Variants in FRMD4A observed in about 807,000 individuals in gnomAD.
FRMD4A encodes FERM domain containing 4A.
A neutral mutation model predicts 129.1 loss-of-function variants in FRMD4A; 29 were observed. The ratio of observed to expected loss-of-function variants is 0.22; its 90% CI spans 0.17 to 0.31. The LOEUF is 0.31. Ranked by LOEUF, FRMD4A falls within the 10% of genes least tolerant of loss-of-function variation. The pLI is 1.00. For missense variants in FRMD4A, 1,272 were observed against 1,375.8 expected (o/e 0.92, Z 1.19); for synonymous variants, 634 against 571.6 (o/e 1.11, Z -1.56).
chr10:14,153,331 A>G (rs990618063), intron 2 of FRMD4A, among the ~76,000 whole-genome samples: 6 of 152,064 alleles, frequency 3.9e-5, no homozygotes, highest in African/African-American at 4.8e-5. Flanking sequence ...CTTCTGCATG[A>G]TTTTTCTGAT....
intron 16 of FRMD4A, among the ~76,000 whole-genome samples, chr10:13,670,807 T>C (rs2083451989): frequency 6.6e-6 from 1 of 152,248 alleles, no homozygotes; most frequent in African/African-American, 2.4e-5. Flanking sequence ...TTGACTTTCA[T>C]TATAAAACTT....
chr10:13,965,855 C>T (rs1365526787), intron 2 of FRMD4A, among the ~76,000 whole-genome samples: 4 of 152,158 alleles, frequency 2.6e-5, no homozygotes, highest in African/African-American at 9.7e-5. Context: ...GATCAAAGAC[C>T]AGGCAACCAA....
At chr10:13,902,171 T>C (rs1448522890) in intron 2 of FRMD4A, among the ~76,000 whole-genome samples, 1 of 152,030 alleles carries the variant, frequency 6.6e-6, no homozygotes, top group Admixed American at 6.6e-5. Context: ...CATGTACCAC[T>C]ATACCTGGCT....
chr10:13,948,432 A>G lies in FRMD4A; in HGVS notation c.46-89520T>C, dbSNP rs193248376. Reference sequence around the variant, plus strand: ...CTGCTGAAATCTTTGGCCCTAAAATAGGCAATCAAGAGCCACTAAAGGTAC... The same window carrying G: ...CTGCTGAAATCTTTGGCCCTAAAATGGGCAATCAAGAGCCACTAAAGGTAC... On this transcript the variant is annotated intron_variant, in intron 2 of 24. Transcript: ENST00000357447. Among the ~76,000 whole-genome samples the G allele has an allele frequency of 3.8e-3, 582 of 152,252 alleles. 2 individuals carry two copies. The highest frequency in any genetic ancestry group is 0.02 in the Middle Eastern group (6 of 294).
chr10:14,114,738 C>T (rs1012517003), intron 2 of FRMD4A, among the ~76,000 whole-genome samples: 1 of 152,120 alleles, frequency 6.6e-6, no homozygotes, highest in African/African-American at 2.4e-5. Context: ...TTGAGAGGTA[C>T]CAAACAGGGA....
At chr10:14,322,742 C>T (rs556820599) in intron 2 of FRMD4A, among the ~76,000 whole-genome samples, 16 of 152,296 alleles carry the variant, frequency 1.1e-4, no homozygotes, top group Middle Eastern at 6.8e-3. Context: ...CTTGGTAGAG[C>T]ATGTTTCCGG....
chr10:13,884,112 A>ACT (rs1554956233), intron 2 of FRMD4A, among the ~76,000 whole-genome samples: 2 of 129,776 alleles, frequency 1.5e-5, no homozygotes, highest in African/African-American at 6.5e-5. Flanking sequence ...AAACACACAC[A>ACT]CACACACACT....
At chr10:13,706,519 A>G (rs534720958) in intron 13 of FRMD4A, among the ~76,000 whole-genome samples, 1 of 152,246 alleles carries the variant, frequency 6.6e-6, no homozygotes, top group South Asian at 2.1e-4. Context: ...CCACAATACT[A>G]ACATCCTAAA....
chr10:13,986,000 C>CT (rs1377288660), intron 2 of FRMD4A, among the ~76,000 whole-genome samples: 1 of 152,184 alleles, frequency 6.6e-6, no homozygotes, highest in African/African-American at 2.4e-5. Flanking sequence ...CCACCCGTGG[C>CT]TTTGGTCATC....
chr10:14,292,675 C>T (rs903768561), intron 2 of FRMD4A, among the ~76,000 whole-genome samples: 12 of 152,054 alleles, frequency 7.9e-5, no homozygotes, highest in African/African-American at 2.9e-4. Flanking sequence ...TGGTGGGCAC[C>T]TGTAGTCCCA....
chr10:14,201,278 G>A (rs1249133078), intron 2 of FRMD4A, among the ~76,000 whole-genome samples: 3 of 152,162 alleles, frequency 2.0e-5, no homozygotes, highest in Non-Finnish European at 2.9e-5. Flanking sequence ...TTGATTCCCT[G>A]CTGCCCTTCT....
intron 3 of FRMD4A, among the ~76,000 whole-genome samples, chr10:13,840,836 C>A (rs977827780): frequency 7.8e-6 from 1 of 128,466 alleles, no homozygotes; most frequent in African/African-American, 3.0e-5. Flanking sequence ...GGCCCAGGTG[C>A]AATGGCTCAT....
intron 16 of FRMD4A, among the ~76,000 whole-genome samples, chr10:13,674,683 T>C (rs1284501646): frequency 6.6e-6 from 1 of 152,246 alleles, no homozygotes; most frequent in Non-Finnish European, 1.5e-5. Flanking sequence ...GCGGTTCTGC[T>C]CTTTCTCTGA....
chr10:13,689,549 C>CTTTTT lies in FRMD4A; in HGVS notation c.1117+4344_1117+4348dup, dbSNP rs34800095. On this transcript the variant is annotated intron_variant, in intron 15 of 24. Coordinates refer to ENST00000357447, the MANE Select transcript of FRMD4A (RefSeq NM_018027.5). ...CTCTAGGAACATAGATTAGAAGATT[C>CTTTTT]TTTTTTTTTTTTTTTTTTAAGAGAC... is the stretch of plus-strand genomic sequence containing the variant. Among the ~76,000 whole-genome samples the CTTTTT allele has an allele frequency of 4.7e-3, 608 of 128,618 alleles. 17 individuals are homozygous for CTTTTT. The highest frequency in any genetic ancestry group is 0.013 in the African/African-American group (427 of 32,794). The allele number at this position is 128,618 out of a possible 152,430, so 84.4% of individuals were successfully genotyped here.
intron 8 of FRMD4A, among the ~76,000 whole-genome samples, chr10:13,752,648 A>G (rs966436512): frequency 1.3e-5 from 2 of 152,198 alleles, no homozygotes; most frequent in African/African-American, 4.8e-5. Context: ...ACAGCCTGCA[A>G]TTCAGAAACA....
At chr10:14,034,468 G>A (rs1833403843) in intron 2 of FRMD4A, among the ~76,000 whole-genome samples, 1 of 152,308 alleles carries the variant, frequency 6.6e-6, no homozygotes, top group South Asian at 2.1e-4. Flanking sequence ...ATGGGAGGAT[G>A]TCTCTTGCCC....
chr10:14,109,308 C>T (rs968293189), intron 2 of FRMD4A, among the ~76,000 whole-genome samples: 2 of 151,808 alleles, frequency 1.3e-5, no homozygotes, highest in Non-Finnish European at 2.9e-5. Context: ...TTCATTTGTT[C>T]TCTTCCATAG....
Position 13,718,012 on chromosome 10 carries a change from G to A in FRMD4A, c.760-10899C>T, listed in dbSNP as rs2089013746. 1.3e-5 allele frequency among the ~76,000 whole-genome samples: 2 copies of A among 152,258 alleles called. 1 individual carries two copies. Among genetic ancestry groups the A allele is most frequent in the South Asian group, 4.1e-4 (2 of 4,834 alleles). On this transcript the variant is annotated intron_variant, in intron 12 of 24. Coordinates refer to ENST00000357447, the MANE Select transcript of FRMD4A (RefSeq NM_018027.5). The stretch of plus-strand genomic sequence containing the variant: ...AAGAAAAAAGCAAGCAAGCAAACCA[G>A]CAAGGGCTTTGGCGTTTGGGAATAA...
intron 2 of FRMD4A, among the ~76,000 whole-genome samples, chr10:14,320,268 C>T (rs1846924128): frequency 6.6e-6 from 1 of 152,126 alleles, no homozygotes; most frequent in Non-Finnish European, 1.5e-5. Flanking sequence ...TCCAGATGCC[C>T]CCAAGAGCAT....
Sources: allele counts gnomAD v4.1 joint callset (sites outside exome capture counted in the v4.1 genomes callset), GRCh38; gene constraint gnomAD v4.1.1; transcripts MANE v1.5; gene names NCBI Gene and HGNC (gene_info 2026-07-23, HGNC 2026-07-21).